SELP: variants seen among roughly 807,000 people sequenced by gnomAD.
SELP encodes selectin P.
In SELP, 92 loss-of-function variants were observed where a neutral mutation model predicts 104.1. The ratio of observed to expected loss-of-function variants is 0.88; its 90% CI spans 0.75 to 1.05. The LOEUF (loss-of-function observed/expected upper bound fraction) is 1.05, where lower values mean the gene tolerates loss of function less well. Ranked by LOEUF, SELP falls within the 50% of genes least tolerant of loss-of-function variation. SELP has a pLI of 0.00. For synonymous variants in SELP, 397 were observed against 364.5 expected, an observed-to-expected ratio of 1.09 and a Z score of -1.01; for missense variants, 1,022 against 1,017.3, an observed-to-expected ratio of 1.00 and a Z score of -0.06.
chr1:169,614,793 A>G (rs2101909660), intron 3 of SELP, among the ~76,000 whole-genome samples: 1 of 152,330 alleles, frequency 6.6e-6, no homozygotes, highest in East Asian at 1.9e-4. Context: ...CTGCACTGAG[A>G]CACTGGGAAG....
intron 9 of SELP, among the ~76,000 whole-genome samples, chr1:169,605,574 C>T (rs532173911): frequency 6.6e-6 from 1 of 152,164 alleles, no homozygotes; most frequent in African/African-American, 2.4e-5. Context: ...TGTATCTGCC[C>T]ACTTTCACTC....
rs187371362 is a variant in SELP at position 169,614,921 on chromosome 1, G to A, written c.482-1228C>T. ...CCCACCAATGTCTTAATACCTTACA[G>A]TAGCAACCCCTGCCTGCCCTATGTT... is the stretch of plus-strand genomic sequence containing the variant. On this transcript the variant is annotated intron_variant, in intron 3 of 16. Transcript: ENST00000263686. Among the ~76,000 whole-genome samples, 5 of 152,248 alleles carry A rather than the reference G, an allele frequency of 3.3e-5. No individual in the cohort carries two copies. In the East Asian group the frequency reaches 9.6e-4, roughly 29 times the overall value.
At chr1:169,624,182 G>T (rs879695070) in intron 1 of SELP, among the ~76,000 whole-genome samples, 14 of 152,128 alleles carry the variant, frequency 9.2e-5, no homozygotes, top group Admixed American at 2.6e-4. Context: ...TCTGAAACCT[G>T]CTTGGGGTGG....
At chr1:169,616,940 G>T in intron 3 of SELP, 88 bp downstream of exon 3, 4 of 1,388,598 alleles carry the variant, frequency 2.9e-6, no homozygotes, top group Non-Finnish European at 3.9e-6. Context: ...TTGTATCTTT[G>T]TGTTGACTCG....
At chr1:169,594,311 T>A (rs1019402602) in intron 13 of SELP, among the ~76,000 whole-genome samples, 9 of 152,180 alleles carry the variant, frequency 5.9e-5, no homozygotes, top group African/African-American at 2.2e-4. Flanking sequence ...TTAAGGAAGA[T>A]CTGCTAGGAG....
chr1:169,605,446 T>A (rs1438069991), intron 9 of SELP, among the ~76,000 whole-genome samples: 1 of 150,830 alleles, frequency 6.6e-6, no homozygotes, highest in Non-Finnish European at 1.5e-5. Flanking sequence ...ATTCATTCAT[T>A]CATTTACTGT....
At chr1:169,608,636 C>T (rs1462714957) in intron 8 of SELP, among the ~76,000 whole-genome samples, 1 of 152,004 alleles carries the variant, frequency 6.6e-6, no homozygotes, top group Non-Finnish European at 1.5e-5. Context: ...GGGTTGCTTC[C>T]ACATTTTAAC....
intron 9 of SELP, among the ~76,000 whole-genome samples, chr1:169,606,657 G>T (rs921467567): frequency 6.6e-6 from 1 of 152,124 alleles, no homozygotes; most frequent in Non-Finnish European, 1.5e-5. Context: ...GAGTTTACCT[G>T]GTTTGTGGCA....
At chr1:169,593,902 G>A (rs1661467834) in intron 13 of SELP, among the ~76,000 whole-genome samples, 178 bp from the exon 14 acceptor site, 1 of 152,182 alleles carries the variant, frequency 6.6e-6, no homozygotes, top group South Asian at 2.1e-4. Context: ...TAAATCCACT[G>A]CAACAGAATG....
In SELP at chr1:169,609,696, G is replaced by A; in HGVS notation, c.1148-7C>T. On this transcript the variant is annotated splice_region_variant and splice_polypyrimidine_tract_variant and intron_variant, in intron 7 of 16. Coordinates refer to ENST00000263686, the MANE Select transcript of SELP (RefSeq NM_003005.4). ...AGCGGCTCACACGAAATAGCTAAGT[G>A]GAAAAGGTATCTTCTAAAGCCAGGT... 1 of 1,604,312 alleles carries A rather than the reference G, an allele frequency of 6.2e-7. No homozygotes were observed. Among genetic ancestry groups the A allele is most frequent in the South Asian group, 1.1e-5 (1 of 89,948 alleles).
Position 169,619,160 on chromosome 1 carries a change from G to A in SELP, c.63C>T (p.Ser21=), listed in dbSNP as rs149590582. ...TCAGGGCACTGAAGCAAAGGAGTTG[G>A]GAAATTCCAAAGACCACTCTCTGGA... ...QRFQRVVFGI[S]QLLCFSALIS... Residue 21 remains serine, a synonymous_variant, in exon 2 of 17, where the codon TCC becomes TCT. Transcript: ENST00000263686. 1.2e-6 allele frequency: 2 copies of A among 1,613,786 alleles called. No individual in the cohort carries two copies. Among genetic ancestry groups the A allele is most frequent in the East Asian group, 2.2e-5 (1 of 44,890 alleles).
chr1:169,616,990 T>A (rs765938243), intron 3 of SELP, 38 bp downstream of exon 3: 3 of 1,523,416 alleles, frequency 2.0e-6, no homozygotes, highest in Non-Finnish European at 2.6e-6. Context: ...GGGTTTTTTT[T>A]TTTTAACAGG....
chr1:169,610,996 C>T (rs1557961944), intron 7 of SELP, among the ~76,000 whole-genome samples: 1 of 152,162 alleles, frequency 6.6e-6, no homozygotes, highest in African/African-American at 2.4e-5. Context: ...TCTCCCATTA[C>T]CACTGTCCGC....
At position 169,617,222 on chromosome 1, in the gene SELP, T is replaced by C. The variant is rs756324162; in HGVS notation, c.287A>G (p.Lys96Arg). ...CACCCATGTCCATGTCTTATTGTTC[T>C]TTCGGATCCCAATCCAGTAGTAGGA... The part of the protein sequence containing the change: ...YSSYYWIGIR[K>R]NNKTWTWVGT... The change falls in exon 3 of 17, where the codon AAG becomes AGG. Residue 96 changes from lysine to arginine, a missense_variant. Coordinates refer to ENST00000263686, the MANE Select transcript of SELP (RefSeq NM_003005.4). The C allele has an allele frequency of 6.2e-7, 1 of 1,614,220 alleles. No individual in the cohort carries two copies. Among genetic ancestry groups the C allele is most frequent in the South Asian group, 1.1e-5 (1 of 91,084 alleles).
chr1:169,607,131 A>C lies in SELP; in HGVS notation c.1337T>G (p.Leu446Trp). The C allele has an allele frequency of 5.6e-6, 9 of 1,597,392 alleles. No homozygotes were observed. Among genetic ancestry groups the C allele is most frequent in the Non-Finnish European group, 7.7e-6 (9 of 1,166,568 alleles). Residue 446 changes from leucine to tryptophan, a missense_variant, in exon 9 of 17, where the codon TTG becomes TGG. By Grantham distance (61) the Leu-to-Trp change is moderately conservative (BLOSUM62 -2). Transcript: ENST00000263686. Reference sequence around the variant, plus strand: ...TGGAACTGGGAGATCCTGGCACTGCAAAGCTAAGGGATGAGGAAGTAAGGA... The same window carrying C: ...TGGAACTGGGAGATCCTGGCACTGCCAAGCTAAGGGATGAGGAAGTAAGGA... ...WTAPAPVCQA[L>W]QCQDLPVPNE...
At chr1:169,593,094 A>G (rs574488419) in intron 14 of SELP, among the ~76,000 whole-genome samples, 2 of 152,278 alleles carry the variant, frequency 1.3e-5, no homozygotes, top group South Asian at 2.1e-4. Context: ...CACACTTACT[A>G]CACTTCACTA....
At chr1:169,591,492 A>AG in intron 14 of SELP, 36 bp from the exon 15 acceptor site, 1 of 1,498,274 alleles carries the variant, frequency 6.7e-7, no homozygotes, top group Admixed American at 2.1e-5. Context: ...GAATGATTAA[A>AG]AAAAAAAAAC....
At chr1:169,618,782 A>C (rs937690434) in intron 2 of SELP, among the ~76,000 whole-genome samples, 1 of 152,226 alleles carries the variant, frequency 6.6e-6, no homozygotes, top group Non-Finnish European at 1.5e-5. Context: ...TTGCAACTGC[A>C]CTGGTACAAA....
At chr1:169,596,944 A>T in intron 11 of SELP, 47 bp downstream of exon 11, 3 of 1,504,286 alleles carry the variant, frequency 2.0e-6, no homozygotes, top group Non-Finnish European at 2.7e-6. Flanking sequence ...GTTGTTGTAG[A>T]ATAAATTTCC....
Sources: allele counts gnomAD v4.1 joint callset (sites outside exome capture counted in the v4.1 genomes callset), GRCh38; gene constraint gnomAD v4.1.1; transcripts MANE v1.5; gene names NCBI Gene and HGNC (gene_info 2026-07-23, HGNC 2026-07-21).